CTBP2: variants seen among roughly 807,000 people sequenced by gnomAD.
CTBP2 encodes C-terminal binding protein 2.
Under a neutral mutation model 80.3 loss-of-function variants are expected in CTBP2, and 30 were observed. The ratio of observed to expected loss-of-function variants is 0.37; its 90% CI spans 0.28 to 0.51. The LOEUF is 0.51. CTBP2 is among the 20% of genes least tolerant of loss of function. CTBP2 has a pLI of 0.93. For synonymous variants in CTBP2, 594 were observed against 587.4 expected, an observed-to-expected ratio of 1.01 and a Z score of -0.16; for missense variants, 1,212 against 1,375.3, an observed-to-expected ratio of 0.88 and a Z score of 1.88.
At chr10:125,137,281 C>T (rs1468045939) in intron 1 of CTBP2, among the ~76,000 whole-genome samples, 2 of 152,178 alleles carry the variant, frequency 1.3e-5, no homozygotes, top group South Asian at 2.1e-4. Flanking sequence ...CTGGGGGCAG[C>T]GGCTGTGGCC....
At chr10:125,008,926 G>A (rs1030010029) in intron 1 of CTBP2, among the ~76,000 whole-genome samples, 1 of 152,202 alleles carries the variant, frequency 6.6e-6, no homozygotes, top group African/African-American at 2.4e-5. Flanking sequence ...TTATTTGAAG[G>A]TGTTTTTACC....
At chr10:125,122,848 C>T (rs900353363) in intron 1 of CTBP2, 2 of 152,240 alleles carry the variant, frequency 1.3e-5, no homozygotes, top group Non-Finnish European at 2.9e-5. Context: ...ATTTCCTCTT[C>T]CGCAGTGTTC....
chr10:124,998,513 T>C (rs2134197430), intron 3 of CTBP2: 1 of 376,394 alleles, frequency 2.7e-6, no homozygotes, highest in Non-Finnish European at 5.0e-6. Context: ...AGGAAGCCAG[T>C]GGGCCTCAGA....
At chr10:125,002,031 C>T (rs1420889400) in intron 3 of CTBP2, among the ~76,000 whole-genome samples, 2 of 152,174 alleles carry the variant, frequency 1.3e-5, no homozygotes, top group African/African-American at 2.4e-5. Context: ...GGGCCTTAGC[C>T]GATGGGAGAG....
intron 1 of CTBP2, among the ~76,000 whole-genome samples, chr10:125,130,022 T>G (rs373396620): frequency 6.7e-6 from 1 of 148,878 alleles, no homozygotes; most frequent in East Asian, 2.0e-4. Flanking sequence ...CCCCCAGGTA[T>G]AGCCCACAGG....
chr10:125,088,621 C>A (rs535030971), intron 2 of CTBP2, among the ~76,000 whole-genome samples: 1 of 152,314 alleles, frequency 6.6e-6, no homozygotes, highest in East Asian at 1.9e-4. Context: ...ACCTTCTGAA[C>A]TGCAGGGAAT....
intron 1 of CTBP2, among the ~76,000 whole-genome samples, 156 bp from the exon 4 acceptor site, chr10:125,003,648 G>C (rs893068341): frequency 6.6e-6 from 1 of 152,154 alleles, no homozygotes; most frequent in African/African-American, 2.4e-5. Context: ...ACCTTCCAGG[G>C]AGCCACTGAC....
chr10:124,996,191 C>A (rs1270445349), intron 4 of CTBP2: 11 of 3,654 alleles, frequency 3.0e-3, no homozygotes, highest in African/African-American at 9.1e-3. Flanking sequence ...CGTCACAGCG[C>A]CCCCCCCGGC....
chr10:125,021,964 G>A (rs1217181584), intron 1 of CTBP2, among the ~76,000 whole-genome samples: 1 of 152,226 alleles, frequency 6.6e-6, no homozygotes, highest in Non-Finnish European at 1.5e-5. Context: ...GCAGAGTCCT[G>A]GCTATGTGGC....
At chr10:125,107,814 G>A (rs1851682355) in intron 2 of CTBP2, among the ~76,000 whole-genome samples, 1 of 152,152 alleles carries the variant, frequency 6.6e-6, no homozygotes. Flanking sequence ...CAGCATGCAT[G>A]GCAGCCGGAA....
At chr10:125,086,725 C>T (rs1848043823) in intron 2 of CTBP2, among the ~76,000 whole-genome samples, 1 of 151,878 alleles carries the variant, frequency 6.6e-6, no homozygotes, top group African/African-American at 2.4e-5. Flanking sequence ...AATCTGCTGG[C>T]ATCTTGGTCT....
At position 124,989,408 on chromosome 10, in the gene CTBP2, G is replaced by A. The variant is rs1423769344; in HGVS notation, c.*110C>T. The A allele has an allele frequency of 3.4e-6, 4 of 1,182,788 alleles. No homozygotes were observed. The highest frequency in any genetic ancestry group is 1.5e-5 in the African/African-American group (1 of 66,452). The allele number at this position is 1,182,788 out of a possible 1,614,324, so 73.3% of individuals were successfully genotyped here. A position where few individuals can be genotyped will look rare whatever the true frequency, so the allele number is the denominator to read the frequency against. ...ACACTGCAACATCAATGATGCATATGTCCAGAATCAGTTACAAAGACCATC... is the reference window on the plus strand; with the variant it reads ...ACACTGCAACATCAATGATGCATATATCCAGAATCAGTTACAAAGACCATC... On this transcript the variant is annotated 3_prime_UTR_variant, in exon 9 of 9. Coordinates refer to ENST00000309035, the MANE Select transcript of CTBP2 (RefSeq NM_022802.3).
intron 1 of CTBP2, among the ~76,000 whole-genome samples, chr10:125,141,747 C>T (rs868686878): frequency 2.0e-5 from 3 of 151,682 alleles, no homozygotes; most frequent in African/African-American, 7.3e-5. Context: ...AGGTACACAG[C>T]GAGCACACAG....
intron 1 of CTBP2, among the ~76,000 whole-genome samples, chr10:125,015,091 G>T (rs1026438614): frequency 2.0e-5 from 3 of 152,192 alleles, no homozygotes; most frequent in African/African-American, 7.2e-5. Context: ...TCGACATTAG[G>T]TCTGAGTGAC....
chr10:125,128,598 G>A (rs983922504), intron 1 of CTBP2, among the ~76,000 whole-genome samples: 1 of 152,148 alleles, frequency 6.6e-6, no homozygotes, highest in Non-Finnish European at 1.5e-5. Flanking sequence ...TAGGGAGGTG[G>A]GGGTCAAGGG....
chr10:125,063,707 TTC>T (rs1346332656), intron 2 of CTBP2, among the ~76,000 whole-genome samples: 1 of 152,240 alleles, frequency 6.6e-6, no homozygotes, highest in East Asian at 1.9e-4. Flanking sequence ...TTGCTGTGTT[TTC>T]TCTCAGTGAC....
intron 2 of CTBP2, among the ~76,000 whole-genome samples, chr10:125,079,150 G>GA (rs58370199): frequency 0.077 from 7,817 of 101,052 alleles, 293 homozygotes; most frequent in Middle Eastern, 0.13. Context: ...TTGTCTCGAG[G>GA]AAAAAAAAAA....
intron 1 of CTBP2, among the ~76,000 whole-genome samples, chr10:125,017,344 T>C (rs1956600329): frequency 6.6e-6 from 1 of 152,214 alleles, no homozygotes; most frequent in Non-Finnish European, 1.5e-5. Flanking sequence ...CACCTCTGCT[T>C]CTGAGCAACG....
chr10:125,008,178 T>G (rs1405085415), intron 1 of CTBP2, among the ~76,000 whole-genome samples: 1 of 152,200 alleles, frequency 6.6e-6, no homozygotes, highest in Admixed American at 6.5e-5. Flanking sequence ...ACCCCTGACC[T>G]CAGGTGATCC....
Sources: gnomAD v4.1 joint callset for allele counts (sites outside exome capture counted in the v4.1 genomes callset) on GRCh38, gnomAD v4.1.1 for gene constraint, MANE v1.5 for transcripts, NCBI Gene and HGNC (gene_info 2026-07-23, HGNC 2026-07-21) for gene names.